Variants in ZNHIT1 observed in about 807,000 individuals in gnomAD.
ZNHIT1 encodes zinc finger HIT domain-containing protein 1.
ZNHIT1 carries 20 observed loss-of-function variants against 21.4 expected under a neutral mutation model. That is an observed-to-expected ratio of 0.93 (90% CI 0.66 to 1.36). The LOEUF (loss-of-function observed/expected upper bound fraction) is 1.36. ZNHIT1 is among the 40% of genes most tolerant of loss of function. The pLI is 0.00. For synonymous variants in ZNHIT1, 79 were observed against 84.0 expected (o/e 0.94, Z 0.32); for missense variants, 170 against 213.5 (o/e 0.80, Z 1.27).
At position 101,223,800 on chromosome 7, in the gene ZNHIT1, G is replaced by A. The variant is rs199842287; in HGVS notation, c.401G>A (p.Arg134Gln). ...SPYTCVSCGARYCTVRCLGTH... is the reference protein window; with the variant it reads ...SPYTCVSCGAQYCTVRCLGTH... ...TACACCTGTGTCAGCTGCGGTGCCCGGTACTGCACTGTGCGCTGTCTGGGG... is the reference window on the plus strand; with the variant it reads ...TACACCTGTGTCAGCTGCGGTGCCCAGTACTGCACTGTGCGCTGTCTGGGG... Residue 134 changes from arginine to glutamine, a missense_variant, in exon 4 of 5, where the codon CGG (arginine) becomes CAG (glutamine). By Grantham distance (43) the Arg-to-Gln change is conservative. Coordinates refer to ENST00000305105, the MANE Select transcript of ZNHIT1 (RefSeq NM_006349.3). 30 of 1,614,130 alleles carry A rather than the reference G, an allele frequency of 1.9e-5. No individual in the cohort carries two copies. The South Asian group carries it at 2.9e-4, about 15-fold the overall frequency.
chr7:101,223,517 TCGC>T lies in ZNHIT1; in HGVS notation c.235_237del (p.Arg79del). The T allele has an allele frequency of 6.2e-7, 1 of 1,614,178 alleles. No homozygotes were observed. Among genetic ancestry groups the T allele is most frequent in the Non-Finnish European group, 8.5e-7 (1 of 1,180,032 alleles). On this transcript the variant is annotated inframe_deletion, in exon 3 of 5. Coordinates refer to ENST00000305105, the MANE Select transcript of ZNHIT1 (RefSeq NM_006349.3). ...AAACCCGAGGTGATCATTTTAAACT[TCGC>T]TTCCGAAAAAACTTTCAGGCCCTGT...
Position 101,222,768 on chromosome 7 carries a change from G to A in ZNHIT1, c.187G>A (p.Asp63Asn), listed in dbSNP as rs1798392112. Residue 63 changes from aspartate (D) to asparagine (N), a missense_variant, in exon 2 of 5, where the codon GAC (aspartate) becomes AAC (asparagine). Asp to Asn is a conservative substitution (Grantham distance 23, BLOSUM62 1). Transcript: ENST00000305105. ...KRLPQFDDDA[D>N]TGKKKKKTRG... ...ACTGCCTCAGTTTGATGACGATGCG[G>A]ACACTGGTGAGGCGGATGGAGGAGG... is the stretch of plus-strand genomic sequence containing the variant. The A allele has an allele frequency of 6.2e-7, 1 of 1,613,854 alleles. No homozygotes were observed. The highest frequency in any genetic ancestry group is 8.5e-7 in the Non-Finnish European group (1 of 1,179,780).
At chr7:101,222,898 C>A in intron 2 of ZNHIT1, 124 bp downstream of exon 2, 2 of 1,260,704 alleles carry the variant, frequency 1.6e-6, no homozygotes. Flanking sequence ...GCTCCCATGG[C>A]TGTGAGCAAC....
chr7:101,220,479 C>T (rs534916326), intron 1 of ZNHIT1: 1 of 152,172 alleles, frequency 6.6e-6, no homozygotes, highest in East Asian at 1.9e-4. Flanking sequence ...CACTTGTTAG[C>T]TATGTGAACT....
chr7:101,218,601 C>G, intron 1 of ZNHIT1: 1 of 235,290 alleles, frequency 4.3e-6, no homozygotes, highest in Non-Finnish European at 8.3e-6. Flanking sequence ...AAATCCCTTC[C>G]TCAGCCCTCG....
At position 101,218,177 on chromosome 7, in the gene ZNHIT1, C is replaced by A; in HGVS notation, c.-19C>A. On this transcript the variant is annotated 5_prime_UTR_variant, in exon 1 of 5. Coordinates refer to ENST00000305105, the MANE Select transcript of ZNHIT1 (RefSeq NM_006349.3). ...AGTACGCGTGCGCAGCAGTTTCTTC[C>A]GACAGTTGTGTTGTGCCAATGGTGG... The A allele has an allele frequency of 6.2e-7, 1 of 1,612,536 alleles. No individual in the cohort carries two copies. The highest frequency in any genetic ancestry group is 1.3e-5 in the African/African-American group (1 of 74,944).
chr7:101,223,723 C>T lies in ZNHIT1; in HGVS notation c.324C>T (p.Pro108=). Residue 108 remains proline, a synonymous_variant, in exon 4 of 5, where the codon CCC becomes CCT. Transcript: ENST00000305105. ...GPNYLTACAG[P]PSRPQRPFCA... is the part of the protein sequence containing the mutation. Reference sequence around the variant, plus strand: ...ACTACCTGACGGCCTGTGCGGGACCCCCATCGCGGCCCCAGCGCCCCTTCT... The same window carrying T: ...ACTACCTGACGGCCTGTGCGGGACCTCCATCGCGGCCCCAGCGCCCCTTCT... The T allele has an allele frequency of 6.2e-7, 1 of 1,613,156 alleles. No homozygotes were observed.
intron 1 of ZNHIT1, chr7:101,221,904 T>A (rs1798376714): frequency 1.3e-5 from 2 of 151,770 alleles, no homozygotes; most frequent in African/African-American, 4.9e-5. Flanking sequence ...TCCCCCAGGA[T>A]GACCAGGCAG....
Position 101,219,463 on chromosome 7 carries a change from GT to G in ZNHIT1, c.22+1247del, listed in dbSNP as rs1419092590. 5 of 150,012 alleles carry G rather than the reference GT, an allele frequency of 3.3e-5. No individual in the cohort carries two copies. In the East Asian group the frequency reaches 7.8e-4, roughly 23 times the overall value. 9.3% of individuals were successfully genotyped at this position (150,012 alleles called of 1,614,324 possible). On this transcript the variant is annotated intron_variant, in intron 1 of 4. Transcript: ENST00000305105. Reference sequence around the variant, plus strand: ...TCTTTTTGAGACGGAGTCTTGCTCTGTCCCCCAGGCTGGAGTGCAGTGGCGC... The same window carrying G: ...TCTTTTTGAGACGGAGTCTTGCTCTGCCCCCAGGCTGGAGTGCAGTGGCGC...
intron 1 of ZNHIT1, 85 bp downstream of exon 1, chr7:101,218,302 C>A: frequency 1.3e-6 from 2 of 1,489,312 alleles, no homozygotes; most frequent in Non-Finnish European, 1.8e-6. Context: ...CTTTTTTGGT[C>A]TCGCTCTTTC....
At chr7:101,223,895 C>A (rs754553664) in intron 4 of ZNHIT1, 42 bp from the exon 5 acceptor site, 3 of 1,614,154 alleles carry the variant, frequency 1.9e-6, no homozygotes, top group Admixed American at 3.3e-5. Context: ...ACAGCCTCCC[C>A]AGACCTCTCT....
intron 1 of ZNHIT1, 47 bp downstream of exon 1, chr7:101,218,264 C>T (rs748583776): frequency 1.3e-6 from 2 of 1,591,906 alleles, no homozygotes; most frequent in South Asian, 2.3e-5. Flanking sequence ...CCAAGTCAGT[C>T]CTAGAATTTT....
In ZNHIT1 at chr7:101,223,513, A is replaced by G; in HGVS notation, c.230A>G (p.Lys77Arg). 6.2e-7 allele frequency: 1 copy of G among 1,614,208 alleles called. No individual in the cohort carries two copies. The highest frequency in any genetic ancestry group is 8.5e-7 in the Non-Finnish European group (1 of 1,180,024). Reference protein sequence around the residue: ...KKKKTRGDHFKLRFRKNFQAL... With the variant: ...KKKKTRGDHFRLRFRKNFQAL... ...AAGAAAACCCGAGGTGATCATTTTA[A>G]ACTTCGCTTCCGAAAAAACTTTCAG... Residue 77 changes from lysine (K) to arginine (R), a missense_variant, in exon 3 of 5, where the codon AAA becomes AGA. Physicochemically the swap from Lys to Arg is conservative, Grantham distance 26. Coordinates refer to ENST00000305105, the MANE Select transcript of ZNHIT1 (RefSeq NM_006349.3).
At chr7:101,222,957 CAA>C (rs1422342259) in intron 2 of ZNHIT1, among the ~76,000 whole-genome samples, 183 bp downstream of exon 2, 3 of 152,200 alleles carry the variant, frequency 2.0e-5, no homozygotes, top group East Asian at 1.9e-4. Context: ...GTGAAATAAA[CAA>C]GAGAGACTGG....
chr7:101,218,239 G>C (rs1394334646), intron 1 of ZNHIT1, 22 bp downstream of exon 1: 3 of 1,610,058 alleles, frequency 1.9e-6, no homozygotes, highest in Non-Finnish European at 2.5e-6. Context: ...CCCGCGGTTC[G>C]CCCCCTTCCC....
intron 1 of ZNHIT1, chr7:101,219,998 A>G (rs1798344988): frequency 6.6e-6 from 1 of 151,770 alleles, no homozygotes; most frequent in Non-Finnish European, 1.5e-5. Context: ...TGTGTTTGCC[A>G]CTGGACTGTA....
chr7:101,219,312 T>C (rs1798333966), intron 1 of ZNHIT1: 1 of 152,288 alleles, frequency 6.6e-6, no homozygotes, highest in South Asian at 2.1e-4. Context: ...TCTCACTATG[T>C]TGCCCAGGCT....
At chr7:101,219,745 A>G (rs894983892) in intron 1 of ZNHIT1, 9 of 152,072 alleles carry the variant, frequency 5.9e-5, no homozygotes, top group Non-Finnish European at 1.3e-4. Context: ...TTTCAAAGGC[A>G]TCGCAGTCTC....
At chr7:101,218,834 T>C (rs1423325104) in intron 1 of ZNHIT1, 1 of 152,686 alleles carries the variant, frequency 6.5e-6, no homozygotes, top group Non-Finnish European at 1.5e-5. Flanking sequence ...CTAGCCCAGG[T>C]TCTGGGAGGC....
Sources: gnomAD v4.1 joint callset for allele counts (sites outside exome capture counted in the v4.1 genomes callset) on GRCh38, gnomAD v4.1.1 for gene constraint, MANE v1.5 for transcripts, NCBI Gene and HGNC (gene_info 2026-07-23, HGNC 2026-07-21) for gene names.